The following EHMT1 variants were observed in gnomAD, a reference collection of about 807,000 sequenced individuals.
EHMT1 encodes the protein euchromatic histone lysine methyltransferase 1, also known as histone-lysine N-methyltransferase EHMT1.
Under a neutral mutation model 147.2 loss-of-function variants are expected in EHMT1, and 15 were observed. The observed-to-expected ratio is 0.10, with a 90% CI of 0.07 to 0.16. EHMT1 has a LOEUF of 0.16. Ranked by LOEUF, EHMT1 falls within the 10% of genes least tolerant of loss-of-function variation. EHMT1 has a pLI of 1.00. For missense variants in EHMT1, 1,587 were observed against 1,772.4 expected, an observed-to-expected ratio of 0.90 and a Z score of 1.88; for synonymous variants, 795 against 709.6, an observed-to-expected ratio of 1.12 and a Z score of -1.91.
At chr9:137,685,782 G>A (rs1053850723) in intron 1 of EHMT1, among the ~76,000 whole-genome samples, 1 of 152,200 alleles carries the variant, frequency 6.6e-6, no homozygotes, top group African/African-American at 2.4e-5. Flanking sequence ...AACGTGGTAT[G>A]TCATTGTGGT....
chr9:137,701,918 C>G (rs893873230), intron 1 of EHMT1, among the ~76,000 whole-genome samples: 4 of 151,654 alleles, frequency 2.6e-5, no homozygotes, highest in Non-Finnish European at 4.4e-5. Flanking sequence ...CTGAGCCTCT[C>G]AAGTAGCTGG....
At chr9:137,767,445 A>G (rs1588607718) in intron 10 of EHMT1, among the ~76,000 whole-genome samples, 1 of 152,250 alleles carries the variant, frequency 6.6e-6, no homozygotes, top group African/African-American at 2.4e-5. Context: ...AATGCTTGGG[A>G]CCAGAAGTGT....
rs111574216 is a variant in EHMT1 at position 137,757,847 on chromosome 9, G to A, written c.1370-33G>A. The A allele has an allele frequency of 1.8e-3, 2,848 of 1,612,672 alleles. 40 individuals are homozygous for A. In the African/African-American group the frequency reaches 0.034, roughly 19 times the overall value. ...TGGGTGGGTGCGGCCGCCTGGGTGC[G>A]TGGTGTCTGATGTGTGTGCCTTTCA... is the stretch of plus-strand genomic sequence containing the variant. On this transcript the variant is annotated intron_variant, in intron 8 of 26. Coordinates refer to ENST00000460843, the MANE Select transcript of EHMT1 (RefSeq NM_024757.5).
intron 23 of EHMT1, chr9:137,816,470 G>C: frequency 6.1e-5 from 20 of 327,316 alleles, no homozygotes; most frequent in Admixed American, 8.7e-5. Flanking sequence ...GTGAGGTGAT[G>C]TCCCAACGCT....
intron 3 of EHMT1, among the ~76,000 whole-genome samples, chr9:137,717,812 A>G (rs1945498781): frequency 6.6e-6 from 1 of 152,172 alleles, no homozygotes; most frequent in African/African-American, 2.4e-5. Context: ...CAGCTAGGGA[A>G]GACTCAGCCC....
chr9:137,755,733 G>C (rs1949331084), intron 8 of EHMT1, among the ~76,000 whole-genome samples: 1 of 152,204 alleles, frequency 6.6e-6, no homozygotes, highest in Non-Finnish European at 1.5e-5. Context: ...GCACTTGTTA[G>C]GGTTAGTCTT....
rs1300424542 is a variant in EHMT1, at chr9:137,761,102, C to T, written c.1502-1573C>T. ...ACGAGGCAGCTCCAAACCAGAAGCA[C>T]GTTGGGAGCTGCACTGAGGAAACAC... On this transcript the variant is annotated intron_variant, in intron 9 of 26. Transcript: ENST00000460843. Among the ~76,000 whole-genome samples, 6 of 152,154 alleles carry T rather than the reference C, an allele frequency of 3.9e-5. No individual in the cohort carries two copies. In the East Asian group the frequency reaches 5.8e-4, roughly 15 times the overall value.
At chr9:137,824,979 GT>G (rs1216323183) in intron 25 of EHMT1, among the ~76,000 whole-genome samples, 11 of 152,150 alleles carry the variant, frequency 7.2e-5, no homozygotes, top group Admixed American at 7.2e-4. Flanking sequence ...CATAATGCTT[GT>G]TCTCTTCCCG....
At chr9:137,649,894 G>C (rs985509894) in intron 1 of EHMT1, among the ~76,000 whole-genome samples, 2 of 152,164 alleles carry the variant, frequency 1.3e-5, no homozygotes, top group Non-Finnish European at 2.9e-5. Context: ...ACTTTGTTAA[G>C]GTAACTGCAG....
chr9:137,823,208 C>A (rs1170391766), intron 25 of EHMT1, among the ~76,000 whole-genome samples: 5 of 150,958 alleles, frequency 3.3e-5, no homozygotes, highest in East Asian at 2.0e-4. Context: ...ACCCCATTCT[C>A]CAGCCTCAGC....
intron 1 of EHMT1, chr9:137,646,279 T>G (rs1844875278): frequency 1.1e-6 from 1 of 933,990 alleles, no homozygotes; most frequent in Non-Finnish European, 1.3e-6. Context: ...TTTTTAAATG[T>G]AGATGCTAGA....
chr9:137,823,159 C>T (rs546618187), intron 25 of EHMT1, among the ~76,000 whole-genome samples: 45 of 143,860 alleles, frequency 3.1e-4, no homozygotes, highest in African/African-American at 1.1e-3. Flanking sequence ...AGTGCAGTGA[C>T]GCAGTCTCGG....
intron 1 of EHMT1, among the ~76,000 whole-genome samples, chr9:137,682,021 G>A (rs1941995999): frequency 6.6e-6 from 1 of 152,060 alleles, no homozygotes; most frequent in Admixed American, 6.5e-5. Flanking sequence ...TGCCATCTCG[G>A]CTCACTGCAA....
At position 137,744,171 on chromosome 9, in the gene EHMT1, T is replaced by A; in HGVS notation, c.1170+81T>A. ...GTGGTTCTGAAAATTAACAGTCTGG[T>A]CACTTCTAGACCCTGATAAAATCCC... On this transcript the variant is annotated intron_variant, in intron 6 of 26. Transcript: ENST00000460843. The A allele has an allele frequency of 2.0e-6, 3 of 1,473,524 alleles. No homozygotes were observed. In the South Asian group the frequency reaches 3.4e-5, roughly 17 times the overall value. The allele number at this position is 1,473,524 out of a possible 1,614,324, so 91.3% of individuals were successfully genotyped here.
At position 137,693,562 on chromosome 9, in the gene EHMT1, C is replaced by T. The variant is rs998691151; in HGVS notation, c.22-17405C>T. On this transcript the variant is annotated intron_variant, in intron 1 of 26. Coordinates refer to ENST00000460843, the MANE Select transcript of EHMT1 (RefSeq NM_024757.5). ...ACCCACCACGCAGTGGTGCAGGACG[C>T]TGGCCGATACCCCCCACACAGTGGC... Among the ~76,000 whole-genome samples the T allele has an allele frequency of 5.3e-5, 8 of 151,296 alleles. No homozygotes were observed. In the East Asian group the frequency reaches 1.2e-3, roughly 22 times the overall value.
intron 1 of EHMT1, among the ~76,000 whole-genome samples, chr9:137,682,020 G>A (rs996658625): frequency 2.6e-5 from 4 of 151,832 alleles, no homozygotes; most frequent in South Asian, 4.2e-4. Context: ...GTGCCATCTC[G>A]GCTCACTGCA....
chr9:137,798,379 G>C (rs1318179001), intron 16 of EHMT1, among the ~76,000 whole-genome samples: 1 of 151,974 alleles, frequency 6.6e-6, no homozygotes, highest in Non-Finnish European at 1.5e-5. Context: ...TCCAGCCTGG[G>C]CGATACAGCA....
At chr9:137,800,640 G>GT in intron 17 of EHMT1, 1 of 568,642 alleles carries the variant, frequency 1.8e-6, no homozygotes, top group South Asian at 2.0e-5. Context: ...GGCATGTCGG[G>GT]CAGGGTTGTT....
chr9:137,749,421 G>A (rs1472862877), intron 6 of EHMT1, among the ~76,000 whole-genome samples: 15 of 152,036 alleles, frequency 9.9e-5, no homozygotes, highest in African/African-American at 2.4e-4. Context: ...ACAGGCATGC[G>A]CCACCATGTC....
Sources: allele counts gnomAD v4.1 joint callset (sites outside exome capture counted in the v4.1 genomes callset), GRCh38; gene constraint gnomAD v4.1.1; transcripts MANE v1.5; gene names NCBI Gene and HGNC (gene_info 2026-07-23, HGNC 2026-07-21).